The following RASA3 variants were observed in gnomAD, a reference collection of about 807,000 sequenced individuals.
The protein encoded by RASA3 is RAS p21 protein activator 3, also known as ras GTPase-activating protein 3.
A neutral mutation model predicts 110.0 loss-of-function variants in RASA3; 73 were observed. The ratio of observed to expected loss-of-function variants is 0.66; its 90% CI spans 0.55 to 0.81. RASA3 has a LOEUF of 0.81. RASA3 is among the 30% of genes least tolerant of loss of function. The pLI is 0.00. For synonymous variants in RASA3, 500 were observed against 451.4 expected, an observed-to-expected ratio of 1.11 and a Z score of -1.37; for missense variants, 976 against 1,113.2, an observed-to-expected ratio of 0.88 and a Z score of 1.75.
chr13:114,078,097 G>C, intron 1 of RASA3: 1 of 779,740 alleles, frequency 1.3e-6, no homozygotes, highest in Non-Finnish European at 1.6e-6. Context: ...CTCAGACCAG[G>C]AGGGCTGGGG....
At chr13:113,996,794 G>A (rs373745428) in intron 20 of RASA3, 55 bp from the exon 21 acceptor site, 41 of 1,491,626 alleles carry the variant, frequency 2.7e-5, no homozygotes, top group African/African-American at 1.8e-4. Context: ...GGCTGAGCAC[G>A]TGCAAGAGTC....
chr13:114,074,160 G>A (rs2079627879), intron 1 of RASA3, among the ~76,000 whole-genome samples: 3 of 152,086 alleles, frequency 2.0e-5, no homozygotes, highest in Non-Finnish European at 4.4e-5. Flanking sequence ...TGACCTGCTC[G>A]CGTGCACAGT....
intron 2 of RASA3, among the ~76,000 whole-genome samples, chr13:114,063,216 A>T (rs1342487927): frequency 2.0e-5 from 3 of 152,258 alleles, no homozygotes; most frequent in South Asian, 4.1e-4. Context: ...ACGTAAAAAA[A>T]TCAGAAAGTG....
intron 2 of RASA3, among the ~76,000 whole-genome samples, chr13:114,066,716 T>G (rs2079457920): frequency 6.6e-6 from 1 of 152,156 alleles, no homozygotes; most frequent in South Asian, 2.1e-4. Context: ...CTGACACAGG[T>G]GCGCTCCTGT....
intron 7 of RASA3, among the ~76,000 whole-genome samples, chr13:114,024,709 C>T (rs2053995476): frequency 6.6e-6 from 1 of 152,206 alleles, no homozygotes; most frequent in African/African-American, 2.4e-5. Flanking sequence ...AGGGAGGGTC[C>T]CCTCTGCCGT....
chr13:114,073,639 G>A, intron 2 of RASA3, 81 bp downstream of exon 2: 2 of 1,136,604 alleles, frequency 1.8e-6, no homozygotes, highest in Non-Finnish European at 2.7e-6. Flanking sequence ...TGGGAAAATG[G>A]GAAGGTGACG....
chr13:114,029,983 G>A (rs2054116303), intron 4 of RASA3, 96 bp from the exon 5 acceptor site: 1 of 1,198,200 alleles, frequency 8.3e-7, no homozygotes, highest in African/African-American at 1.5e-5. Context: ...GGCAAAGGGA[G>A]CAGGCGGCCC....
chr13:114,053,425 C>T (rs925819413), intron 2 of RASA3, among the ~76,000 whole-genome samples: 16 of 152,256 alleles, frequency 1.1e-4, no homozygotes, highest in African/African-American at 3.4e-4. Context: ...GGTGCACGCA[C>T]AGCTACCACC....
At chr13:114,053,958 T>A (rs2079195396) in intron 2 of RASA3, among the ~76,000 whole-genome samples, 1 of 152,128 alleles carries the variant, frequency 6.6e-6, no homozygotes, top group Admixed American at 6.5e-5. Context: ...AATCCCCATC[T>A]CTACTAAAAA....
At chr13:114,077,834 T>G (rs1242727098) in intron 1 of RASA3, 1 of 984,330 alleles carries the variant, frequency 1.0e-6, no homozygotes, top group African/African-American at 1.8e-5. Flanking sequence ...CATCTGGGGC[T>G]GAGACTCTTT....
At chr13:114,015,544 G>A (rs373884088) in intron 13 of RASA3, among the ~76,000 whole-genome samples, 3 of 152,268 alleles carry the variant, frequency 2.0e-5, no homozygotes, top group African/African-American at 4.8e-5. Context: ...CAGGCACCAC[G>A]TCGGCTCCCC....
rs1326176384 is a variant in RASA3, at chr13:114,014,132, CTCTG to C, written c.1406-888_1406-885del. ...TCTCTCTCTCTCTCTCCTTGTCTCTCTCTGTCTCTCTCCTTCTGTCTCTGCCTCT... is the reference window on the plus strand; with the variant it reads ...TCTCTCTCTCTCTCTCCTTGTCTCTCTCTCTCTCCTTCTGTCTCTGCCTCT... On this transcript the variant is annotated intron_variant, in intron 14 of 23. Coordinates refer to ENST00000334062, the MANE Select transcript of RASA3 (RefSeq NM_007368.4). The surrounding 1 kb of genome is among the most constrained non-coding windows in gnomAD (Gnocchi z 4.5). Among the ~76,000 whole-genome samples, 3 of 151,154 alleles carry C rather than the reference CTCTG, an allele frequency of 2.0e-5. No individual in the cohort carries two copies. Among genetic ancestry groups the C allele is most frequent in the Non-Finnish European group, 4.4e-5 (3 of 67,972 alleles).
At chr13:114,013,015 T>A (rs1362536455) in intron 15 of RASA3, 127 bp downstream of exon 15, 1 of 689,572 alleles carries the variant, frequency 1.5e-6, no homozygotes, top group African/African-American at 1.8e-5. Flanking sequence ...CACTCCTGAT[T>A]CCTCACACAC....
At chr13:114,073,427 C>T (rs572354382) in intron 2 of RASA3, among the ~76,000 whole-genome samples, 9 of 146,016 alleles carry the variant, frequency 6.2e-5, no homozygotes, top group Non-Finnish European at 7.5e-5. Flanking sequence ...ACATTGTCTA[C>T]GCACAGAAAA....
At chr13:114,052,993 C>G (rs9590541) in intron 2 of RASA3, among the ~76,000 whole-genome samples, 15 of 79,472 alleles carry the variant, frequency 1.9e-4, no homozygotes, top group African/African-American at 4.2e-4. Context: ...GTAGAGTCCT[C>G]GCTCCTGGGG....
intron 1 of RASA3, among the ~76,000 whole-genome samples, chr13:114,116,906 C>T (rs2080285496): frequency 9.5e-6 from 1 of 105,332 alleles, no homozygotes; most frequent in South Asian, 3.2e-4. Context: ...GTGAGGGGTG[C>T]ACGTGTGTGA....
At chr13:114,071,849 G>A (rs950932530) in intron 2 of RASA3, among the ~76,000 whole-genome samples, 23 of 152,190 alleles carry the variant, frequency 1.5e-4, no homozygotes, top group African/African-American at 5.5e-4. Context: ...AACTCACCCA[G>A]TCATCAGCAT....
At chr13:114,067,375 T>C (rs1468481827) in intron 2 of RASA3, among the ~76,000 whole-genome samples, 2 of 152,252 alleles carry the variant, frequency 1.3e-5, no homozygotes, top group Non-Finnish European at 2.9e-5. Context: ...AGCAGGTTTT[T>C]GTTTAAGCTC....
chr13:114,072,741 T>A (rs967972623), intron 2 of RASA3, among the ~76,000 whole-genome samples: 3 of 152,254 alleles, frequency 2.0e-5, no homozygotes, highest in African/African-American at 7.2e-5. Context: ...CCAGGGAGCA[T>A]CTCCTCCTCA....
Sources: gnomAD v4.1 joint callset for allele counts (sites outside exome capture counted in the v4.1 genomes callset) on GRCh38, gnomAD v4.1.1 for gene constraint, Gnocchi (gnomAD v3.1) non-coding constraint, MANE v1.5 for transcripts, NCBI Gene and HGNC (gene_info 2026-07-23, HGNC 2026-07-21) for gene names.